KCNH7: variants seen among roughly 807,000 people sequenced by gnomAD.
KCNH7 encodes voltage-gated inwardly rectifying potassium channel KCNH7.
A neutral mutation model predicts 120.8 loss-of-function variants in KCNH7; 49 were observed. That is an observed-to-expected ratio of 0.41 (90% CI 0.32 to 0.51). The LOEUF (loss-of-function observed/expected upper bound fraction) is 0.51. Ranked by LOEUF, KCNH7 falls within the 20% of genes least tolerant of loss-of-function variation. The pLI, the probability that KCNH7 is intolerant of heterozygous loss-of-function variation, is 0.38. For missense variants in KCNH7, 1,097 were observed against 1,446.6 expected (o/e 0.76, Z 3.92); for synonymous variants, 547 against 516.1 (o/e 1.06, Z -0.81).
In KCNH7 at chr2:162,379,919, G is replaced by T. The variant is rs1442545125; in HGVS notation, c.3065C>A (p.Thr1022Asn). ...LQRAAWGISE[T>N]ESDLTYGEVE... is the part of the protein sequence containing the mutation. ...TTCCCCGTAGGTGAGGTCGCTTTCG[G>T]TTTCAGAGATACCCCAGGCAGCTCG... Residue 1022 changes from threonine (T) to asparagine (N), a missense_variant, in exon 14 of 16, where the codon ACC (threonine) becomes AAC (asparagine). By Grantham distance (65) the Thr-to-Asn change is moderately conservative. Transcript: ENST00000332142. 1.9e-6 allele frequency: 3 copies of T among 1,613,902 alleles called. No homozygotes were observed. The highest frequency in any genetic ancestry group is 2.2e-5 in the South Asian group (2 of 91,086).
intron 2 of KCNH7, among the ~76,000 whole-genome samples, chr2:162,611,247 A>G (rs1161919547): frequency 6.6e-6 from 1 of 152,316 alleles, no homozygotes; most frequent in East Asian, 1.9e-4. Flanking sequence ...TTCCCTAGCC[A>G]AAGTCAAAAG....
At chr2:162,821,115 G>GA (rs1685106678) in intron 2 of KCNH7, among the ~76,000 whole-genome samples, 2 of 151,826 alleles carry the variant, frequency 1.3e-5, no homozygotes, top group African/African-American at 2.4e-5. Context: ...AGTCCAGAAA[G>GA]AAAAAAATGG....
At chr2:162,801,511 A>C (rs1573904719) in intron 2 of KCNH7, among the ~76,000 whole-genome samples, 1 of 151,912 alleles carries the variant, frequency 6.6e-6, no homozygotes, top group Non-Finnish European at 1.5e-5. Context: ...TATCTAAAAT[A>C]ATTCAGCACC....
intron 8 of KCNH7, among the ~76,000 whole-genome samples, chr2:162,423,916 T>C (rs1012944765): frequency 3.3e-5 from 5 of 152,208 alleles, no homozygotes; most frequent in Non-Finnish European, 7.3e-5. Context: ...CAAAAGCATC[T>C]TTTAGGGATT....
chr2:162,765,672 A>G (rs988705710), intron 2 of KCNH7, among the ~76,000 whole-genome samples: 1 of 152,228 alleles, frequency 6.6e-6, no homozygotes, highest in African/African-American at 2.4e-5. Context: ...AGCTGGCTCA[A>G]TACATAGTGA....
chr2:162,500,465 T>TC (rs1244902638), intron 6 of KCNH7, among the ~76,000 whole-genome samples: 1 of 151,342 alleles, frequency 6.6e-6, no homozygotes, highest in Non-Finnish European at 1.5e-5. Context: ...GACCACATAG[T>TC]CCCTGTGTTG....
chr2:162,400,379 C>G lies in KCNH7; in HGVS notation c.2217G>C (p.Leu739Phe). The G allele has an allele frequency of 1.2e-6, 2 of 1,612,366 alleles. No individual in the cohort carries two copies. Among genetic ancestry groups the G allele is most frequent in the Non-Finnish European group, 1.7e-6 (2 of 1,178,918 alleles). ...ADICLHLNQT[L>F]LQNCKAFRGA... ...CCCGAAAGGCTTTGCAGTTTTGCAG[C>G]AATGTCTGGTTGAGATGTAGACAAA... is the stretch of plus-strand genomic sequence containing the variant. Residue 739 changes from leucine (L) to phenylalanine (F), a missense_variant, in exon 10 of 16, where the codon TTG becomes TTC. Leu to Phe is a conservative substitution (Grantham distance 22). Coordinates refer to ENST00000332142, the MANE Select transcript of KCNH7 (RefSeq NM_033272.4).
chr2:162,775,380 T>C (rs1215297641), intron 2 of KCNH7, among the ~76,000 whole-genome samples: 2 of 152,174 alleles, frequency 1.3e-5, no homozygotes, highest in African/African-American at 4.8e-5. Flanking sequence ...TTCCTCTTAT[T>C]GTCTACCATG....
At chr2:162,726,999 T>C (rs1363572921) in intron 2 of KCNH7, among the ~76,000 whole-genome samples, 1 of 152,212 alleles carries the variant, frequency 6.6e-6, no homozygotes, top group Non-Finnish European at 1.5e-5. Context: ...TTTTTACTTT[T>C]AGGACTTGTT....
chr2:162,455,239 A>T (rs935903162), intron 6 of KCNH7, among the ~76,000 whole-genome samples: 1 of 152,134 alleles, frequency 6.6e-6, no homozygotes, highest in Non-Finnish European at 1.5e-5. Context: ...GCTTATGTTT[A>T]TTGATTTTCA....
rs190086040 is a variant in KCNH7, at chr2:162,525,318, A to T, written c.464-7160T>A. On this transcript the variant is annotated intron_variant, in intron 3 of 15. Coordinates refer to ENST00000332142, the MANE Select transcript of KCNH7 (RefSeq NM_033272.4). The stretch of plus-strand genomic sequence containing the variant: ...GAACAATTACAGGAGCTGCAGCAGC[A>T]AAACAGCATTCCCGTAAACATGTTT... Among the ~76,000 whole-genome samples, 47 of 152,098 alleles carry T rather than the reference A, an allele frequency of 3.1e-4. 1 individual carries two copies. Among genetic ancestry groups the T allele is most frequent in the African/African-American group, 1.1e-3 (45 of 41,552 alleles).
Position 162,780,975 on chromosome 2 carries a change from T to C in KCNH7, c.307+55562A>G, listed in dbSNP as rs183619730. On this transcript the variant is annotated intron_variant, in intron 2 of 15. Transcript: ENST00000332142. ...TTAAGAGATAATTCACTAGAGATTA[T>C]ATCCTATTGTATATATCCAAATATG... Among the ~76,000 whole-genome samples, 411 of 152,266 alleles carry C rather than the reference T, an allele frequency of 2.7e-3. 6 individuals carry two copies. In the Middle Eastern group the frequency reaches 0.065, roughly 24 times the overall value.
At chr2:162,806,531 G>A (rs1684543377) in intron 2 of KCNH7, among the ~76,000 whole-genome samples, 1 of 152,094 alleles carries the variant, frequency 6.6e-6, no homozygotes, top group Non-Finnish European at 1.5e-5. Context: ...ACCAATAGCT[G>A]TCATTACAGT....
At chr2:162,764,507 C>T (rs759212226) in intron 2 of KCNH7, among the ~76,000 whole-genome samples, 1 of 152,014 alleles carries the variant, frequency 6.6e-6, no homozygotes, top group South Asian at 2.1e-4. Flanking sequence ...TTAGAAACTA[C>T]TAGAAATGCA....
intron 6 of KCNH7, among the ~76,000 whole-genome samples, chr2:162,465,858 C>A (rs1247433016): frequency 1.3e-5 from 2 of 152,082 alleles, no homozygotes; most frequent in Admixed American, 6.5e-5. Flanking sequence ...TCTATTTTCC[C>A]AGATGATAGA....
intron 2 of KCNH7, among the ~76,000 whole-genome samples, chr2:162,585,631 G>A (rs2105924047): frequency 6.6e-6 from 1 of 151,800 alleles, no homozygotes; most frequent in South Asian, 2.1e-4. Flanking sequence ...CCAAATGATA[G>A]TTTCTATCTA....
chr2:162,605,675 T>A (rs1682734682), intron 2 of KCNH7, among the ~76,000 whole-genome samples: 1 of 152,154 alleles, frequency 6.6e-6, no homozygotes, highest in Non-Finnish European at 1.5e-5. Context: ...AGTACTAAAA[T>A]TCTGCTTCAG....
intron 2 of KCNH7, among the ~76,000 whole-genome samples, chr2:162,643,125 A>G (rs1011083376): frequency 6.6e-6 from 1 of 152,136 alleles, no homozygotes; most frequent in Admixed American, 6.6e-5. Context: ...TATTTTAATG[A>G]CTCTAAGAAT....
At chr2:162,597,839 T>C (rs533476468) in intron 2 of KCNH7, among the ~76,000 whole-genome samples, 2 of 152,218 alleles carry the variant, frequency 1.3e-5, no homozygotes, top group African/African-American at 4.8e-5. Context: ...CAACTAAAAA[T>C]AAGAATGAAA....
Sources: allele counts gnomAD v4.1 joint callset (sites outside exome capture counted in the v4.1 genomes callset), GRCh38; gene constraint gnomAD v4.1.1; transcripts MANE v1.5; gene names NCBI Gene and HGNC (gene_info 2026-07-23, HGNC 2026-07-21).